Variants in ATP6AP2 observed in about 807,000 individuals in gnomAD.
ATP6AP2 encodes renin receptor.
In ATP6AP2, 1 loss-of-function variant was observed where a neutral mutation model predicts 23.4. The ratio of observed to expected loss-of-function variants is 0.04; its 90% CI spans 0.02 to 0.20. The LOEUF (loss-of-function observed/expected upper bound fraction) is 0.20, where lower values mean the gene tolerates loss of function less well. Among genes scored for constraint, ATP6AP2 ranks in the 10% least tolerant of loss-of-function variants. ATP6AP2 has a pLI of 1.00. For missense variants in ATP6AP2, 174 were observed against 271.3 expected (o/e 0.64, Z 2.52); for synonymous variants, 90 against 97.1 (o/e 0.93, Z 0.43).
intron 1 of ATP6AP2, among the ~76,000 whole-genome samples, chrX:40,586,755 A>G (rs1051143577): frequency 8.9e-6 from 1 of 111,906 alleles, no homozygotes; most frequent in Non-Finnish European, 1.9e-5. Flanking sequence ...TATACTTATA[A>G]TAAGCAGAAG....
chrX:40,603,647 G>T (rs979712290), intron 8 of ATP6AP2, among the ~76,000 whole-genome samples: 6 of 111,661 alleles, frequency 5.4e-5, no homozygotes, highest in African/African-American at 1.6e-4. Context: ...CACCTCATTT[G>T]ACTGCCGCCT....
At chrX:40,600,548 T>G in intron 7 of ATP6AP2, 1 of 303,672 alleles carries the variant, frequency 3.3e-6, no homozygotes, top group Non-Finnish European at 5.6e-6. Context: ...TAAAAATAAT[T>G]TTAATAAGTA....
chrX:40,595,720 T>C (rs1450006659), intron 3 of ATP6AP2: 2 of 111,961 alleles, frequency 1.8e-5, no homozygotes, highest in Non-Finnish European at 3.8e-5. Context: ...CTATAGATGA[T>C]TCAGGGCGGC....
At chrX:40,592,532 AG>A (rs1335147887) in intron 3 of ATP6AP2, 1 of 111,395 alleles carries the variant, frequency 9.0e-6, no homozygotes, top group Non-Finnish European at 1.9e-5. Flanking sequence ...TGTGAAAAAA[AG>A]GAAGGAACAG....
At chrX:40,587,045 C>T (rs1044355086) in intron 1 of ATP6AP2, among the ~76,000 whole-genome samples, 6 of 112,114 alleles carry the variant, frequency 5.4e-5, no homozygotes, top group South Asian at 3.7e-4. Flanking sequence ...TGAGGCGGGC[C>T]GATCACTTGA....
chrX:40,596,150 G>A (rs1926769831), intron 3 of ATP6AP2, among the ~76,000 whole-genome samples: 1 of 109,750 alleles, frequency 9.1e-6, no homozygotes, highest in African/African-American at 3.3e-5. Context: ...CTGTACTCCA[G>A]CCTGGGCAAC....
chrX:40,598,857 T>C (rs186412193), intron 6 of ATP6AP2, 123 bp downstream of exon 6: 3 of 691,613 alleles, frequency 4.3e-6, no homozygotes, highest in Admixed American at 5.6e-5. Context: ...CCCATGAAAA[T>C]TGAAAAATTA....
intron 5 of ATP6AP2, 106 bp downstream of exon 5, chrX:40,597,770 G>A: frequency 1.1e-6 from 1 of 881,934 alleles, no homozygotes; most frequent in Non-Finnish European, 1.6e-6. Flanking sequence ...TGAACTCCTG[G>A]CCTCAAGCAA....
At chrX:40,605,145 C>G in intron 8 of ATP6AP2, 2 of 132,337 alleles carry the variant, frequency 1.5e-5, no homozygotes, top group Non-Finnish European at 3.1e-5. Context: ...GGCCAGGCTG[C>G]TCTGGAACTC....
chrX:40,591,115 T>A (rs1277322927), intron 2 of ATP6AP2, 119 bp from the exon 3 acceptor site: 4 of 908,757 alleles, frequency 4.4e-6, no homozygotes, highest in Non-Finnish European at 6.3e-6. Flanking sequence ...TTACTTTCCC[T>A]GTGAATTTTC....
At chrX:40,586,207 G>A (rs1051217542) in intron 1 of ATP6AP2, among the ~76,000 whole-genome samples, 4 of 111,764 alleles carry the variant, frequency 3.6e-5, no homozygotes, top group East Asian at 2.8e-4. Context: ...TGAACAAGAC[G>A]CACTGAAATC....
Position 40,597,678 on chromosome X carries a change from T to C in ATP6AP2, c.534+14T>C, listed in dbSNP as rs372642412. The stretch of plus-strand genomic sequence containing the variant: ...AGGAACAATGAAGTAAGTGCAGTTA[T>C]TCAATGAATACATGAATATCATTAA... On this transcript the variant is annotated intron_variant, in intron 5 of 8. Coordinates refer to ENST00000636580, the MANE Select transcript of ATP6AP2 (RefSeq NM_005765.3). The C allele has an allele frequency of 8.4e-7, 1 of 1,188,069 alleles. No individual in the cohort carries two copies. The highest frequency in any genetic ancestry group is 1.7e-5 in the African/African-American group (1 of 57,287).
chrX:40,591,299 G>C lies in ATP6AP2; in HGVS notation c.234G>C (p.Val78=), dbSNP rs945997524. 1 of 1,209,396 alleles carries C rather than the reference G, an allele frequency of 8.3e-7. No individual in the cohort carries two copies. Among genetic ancestry groups the C allele is most frequent in the Non-Finnish European group, 1.1e-6 (1 of 895,058 alleles). ...ATCGTCCTCGGGCTACCGTCATGGT[G>C]ATGGTGAAGGGAGTGAACAAACTGG... The part of the protein sequence containing the change: ...LFHRPRATVM[V]MVKGVNKLAL... The change falls in exon 3 of 9, where the codon GTG becomes GTC. Residue 78 remains valine (V), a synonymous_variant. Coordinates refer to ENST00000636580, the MANE Select transcript of ATP6AP2 (RefSeq NM_005765.3).
intron 8 of ATP6AP2, 62 bp downstream of exon 8, chrX:40,600,943 A>T (rs1476631666): frequency 8.9e-7 from 1 of 1,118,478 alleles, no homozygotes; most frequent in Admixed American, 2.4e-5. Context: ...AAAAAAAAAA[A>T]ACCAAGTCCT....
At chrX:40,597,946 T>G (rs1205137573) in intron 5 of ATP6AP2, 4 of 290,908 alleles carry the variant, frequency 1.4e-5, no homozygotes, top group Non-Finnish European at 2.5e-5. Context: ...AATTTTCTTA[T>G]GACTCTCATG....
chrX:40,604,481 A>G (rs778769314), intron 8 of ATP6AP2, among the ~76,000 whole-genome samples: 1 of 111,550 alleles, frequency 9.0e-6, no homozygotes, highest in Non-Finnish European at 1.9e-5. Flanking sequence ...TCATGAGAAC[A>G]GTATGGGGGA....
chrX:40,599,846 G>C, intron 7 of ATP6AP2, 105 bp downstream of exon 7: 1 of 1,010,856 alleles, frequency 9.9e-7, no homozygotes, highest in Non-Finnish European at 1.4e-6. Context: ...ACTCTTATTT[G>C]CCTTCTTTGG....
In ATP6AP2 at chrX:40,582,123, G is replaced by T. The variant is rs188092744; in HGVS notation, c.37+1021G>T. On this transcript the variant is annotated intron_variant, in intron 1 of 8. Transcript: ENST00000636580. ...GAGGAATGGGTGCTCTGATCTCAGT[G>T]TGTCAGTTTAAAACCTATGGGAGGC... Among the ~76,000 whole-genome samples the T allele has an allele frequency of 1.7e-3, 193 of 111,985 alleles. 1 individual carries two copies. Among genetic ancestry groups the T allele is most frequent in the Non-Finnish European group, 3.3e-3 (177 of 53,167 alleles).
chrX:40,594,509 A>T (rs1347710226), intron 3 of ATP6AP2, among the ~76,000 whole-genome samples: 1 of 112,744 alleles, frequency 8.9e-6, no homozygotes, highest in Non-Finnish European at 1.9e-5. Context: ...TCAAGTGAAA[A>T]TTTTGATATA....
Sources: allele counts gnomAD v4.1 joint callset (sites outside exome capture counted in the v4.1 genomes callset), GRCh38; gene constraint gnomAD v4.1.1; transcripts MANE v1.5; gene names NCBI Gene and HGNC (gene_info 2026-07-23, HGNC 2026-07-21).